THRB: variants seen among roughly 807,000 people sequenced by gnomAD.
The protein encoded by THRB is thyroid hormone receptor beta, also known as nuclear receptor subfamily 1 group A member 2.
In THRB, 12 loss-of-function variants were observed where a neutral mutation model predicts 47.8. That is an observed-to-expected ratio of 0.25 (90% confidence interval 0.16 to 0.41). The LOEUF (loss-of-function observed/expected upper bound fraction) is 0.41, where lower values mean the gene tolerates loss of function less well. Ranked by LOEUF, THRB falls within the 10% of genes least tolerant of loss-of-function variation. The probability of loss-of-function intolerance (pLI) is 1.00; values close to 1 mark genes in which losing one functional copy is unlikely to be tolerated. For synonymous variants in THRB, 218 were observed against 212.2 expected (o/e 1.03, Z -0.24); for missense variants, 348 against 589.2 (o/e 0.59, Z 4.24).
chr3:24,373,394 A>G (rs935096752), intron 1 of THRB, among the ~76,000 whole-genome samples: 1 of 152,100 alleles, frequency 6.6e-6, no homozygotes. Flanking sequence ...TTTCAGTACC[A>G]TGTAGATTTT....
chr3:24,482,481 C>G (rs1476123042), intron 1 of THRB, among the ~76,000 whole-genome samples: 1 of 149,982 alleles, frequency 6.7e-6, no homozygotes, highest in Non-Finnish European at 1.5e-5. Context: ...ACACCACTTC[C>G]TGATTCATTC....
At chr3:24,433,048 A>C (rs2070603046) in intron 1 of THRB, among the ~76,000 whole-genome samples, 1 of 152,076 alleles carries the variant, frequency 6.6e-6, no homozygotes, top group Admixed American at 6.6e-5. Context: ...TATTTCTACT[A>C]ACTCAGTTCC....
chr3:24,171,349 G>C (rs1325593283), intron 5 of THRB, among the ~76,000 whole-genome samples: 1 of 152,196 alleles, frequency 6.6e-6, no homozygotes, highest in Admixed American at 6.5e-5. Flanking sequence ...AGCAGGGCAA[G>C]CTCCTGGGAC....
In THRB at chr3:24,444,134, A is replaced by G. The variant is rs186777053; in HGVS notation, c.-261+50518T>C. ...AATAGCTGTTAAAATCAGAAACAAG[A>G]TAAGAGTAGAATGCCAGTGAGTATT... is the stretch of plus-strand genomic sequence containing the variant. On this transcript the variant is annotated intron_variant, in intron 1 of 10. Coordinates refer to ENST00000646209, the MANE Select transcript of THRB (RefSeq NM_001354712.2). Among the ~76,000 whole-genome samples the G allele has an allele frequency of 4.6e-4, 70 of 152,302 alleles. No homozygotes were observed. The East Asian group carries it at 0.01, about 22-fold the overall frequency.
At chr3:24,375,596 T>G (rs1486161955) in intron 1 of THRB, among the ~76,000 whole-genome samples, 1 of 150,074 alleles carries the variant, frequency 6.7e-6, no homozygotes, top group Middle Eastern at 3.2e-3. Flanking sequence ...AAAGAAAAAC[T>G]AACTCAAGGA....
At chr3:24,208,083 A>G (rs1559603275) in intron 4 of THRB, among the ~76,000 whole-genome samples, 1 of 152,142 alleles carries the variant, frequency 6.6e-6, no homozygotes, top group African/African-American at 2.4e-5. Flanking sequence ...TCATGAGTGA[A>G]CCTTAATTCA....
At chr3:24,140,303 AAACT>A (rs2035267452) in intron 8 of THRB, among the ~76,000 whole-genome samples, 1 of 152,246 alleles carries the variant, frequency 6.6e-6, no homozygotes, top group African/African-American at 2.4e-5. Context: ...GCTGTATAAC[AAACT>A]AACCCCAAAC....
chr3:24,159,453 T>C (rs917744154), intron 5 of THRB, among the ~76,000 whole-genome samples: 3 of 152,226 alleles, frequency 2.0e-5, no homozygotes, highest in South Asian at 2.1e-4. Context: ...CTATGACACA[T>C]ATGTATGTGT....
At chr3:24,309,574 T>C (rs1387498649) in intron 2 of THRB, among the ~76,000 whole-genome samples, 2 of 152,252 alleles carry the variant, frequency 1.3e-5, no homozygotes, top group Non-Finnish European at 2.9e-5. Context: ...TCAGTAAATA[T>C]CTTTTGAACA....
At chr3:24,432,857 T>C (rs2070584363) in intron 1 of THRB, among the ~76,000 whole-genome samples, 1 of 152,060 alleles carries the variant, frequency 6.6e-6, no homozygotes, top group Non-Finnish European at 1.5e-5. Context: ...GGTGGCCTAT[T>C]ACAGTCCAAC....
At chr3:24,395,650 AT>A (rs763668727) in intron 1 of THRB, among the ~76,000 whole-genome samples, 1 of 152,160 alleles carries the variant, frequency 6.6e-6, no homozygotes, top group South Asian at 2.1e-4. Flanking sequence ...TGGAACCCTT[AT>A]ATGCTGGTGA....
At chr3:24,155,615 T>C (rs1241066818) in intron 5 of THRB, among the ~76,000 whole-genome samples, 1 of 152,232 alleles carries the variant, frequency 6.6e-6, no homozygotes, top group Non-Finnish European at 1.5e-5. Context: ...AACTTAACCA[T>C]TTCTTGCTGT....
intron 2 of THRB, among the ~76,000 whole-genome samples, chr3:24,306,841 T>A (rs2057374211): frequency 6.6e-6 from 1 of 152,214 alleles, no homozygotes. Flanking sequence ...TGTAAACAGT[T>A]GTCTCTTTAC....
intron 4 of THRB, among the ~76,000 whole-genome samples, chr3:24,215,385 G>A (rs2046453445): frequency 6.6e-6 from 1 of 152,146 alleles, no homozygotes; most frequent in Non-Finnish European, 1.5e-5. Flanking sequence ...TGGAAAACTG[G>A]GGATTTGAAC....
At chr3:24,301,669 T>A (rs557291698) in intron 2 of THRB, among the ~76,000 whole-genome samples, 13 of 152,328 alleles carry the variant, frequency 8.5e-5, no homozygotes, top group African/African-American at 2.2e-4. Flanking sequence ...CTCTAAAATG[T>A]TTGTGGTAGG....
In THRB at chr3:24,121,400, C is replaced by G. The variant is rs1360563639; in HGVS notation, c.*1484G>C. On this transcript the variant is annotated 3_prime_UTR_variant, in exon 11 of 11. Transcript: ENST00000646209. ...ATATGGCTTATTTTCCCCAATATTT[C>G]CAGGATAAGGCAGTAAAAGGTAGGC... is the stretch of plus-strand genomic sequence containing the variant. 6.6e-6 allele frequency: 1 copy of G among 152,538 alleles called. No homozygotes were observed. Among genetic ancestry groups the G allele is most frequent in the Non-Finnish European group, 1.5e-5 (1 of 68,024 alleles). 9.4% of individuals were successfully genotyped at this position (152,538 alleles called of 1,614,324 possible). A position where few individuals can be genotyped will look rare whatever the true frequency, so the allele number is the denominator to read the frequency against.
intron 2 of THRB, among the ~76,000 whole-genome samples, chr3:24,303,776 C>T (rs2057129062): frequency 6.6e-6 from 1 of 152,172 alleles, no homozygotes; most frequent in African/African-American, 2.4e-5. Flanking sequence ...TTAAGTGAAA[C>T]AGAAGGATAC....
At chr3:24,441,640 C>T (rs944891844) in intron 1 of THRB, among the ~76,000 whole-genome samples, 2 of 151,954 alleles carry the variant, frequency 1.3e-5, no homozygotes, top group Non-Finnish European at 2.9e-5. Flanking sequence ...TCCATATATA[C>T]AGTTGATTCT....
intron 5 of THRB, among the ~76,000 whole-genome samples, chr3:24,152,969 AAAAAG>A (rs772812145): frequency 9.4e-4 from 64 of 67,780 alleles, no homozygotes; most frequent in East Asian, 2.9e-3. Flanking sequence ...CCAAAAAAAA[AAAAAG>A]AAAGAAAGAA....
Sources: gnomAD v4.1 joint callset for allele counts (sites outside exome capture counted in the v4.1 genomes callset) on GRCh38, gnomAD v4.1.1 for gene constraint, MANE v1.5 for transcripts, NCBI Gene and HGNC (gene_info 2026-07-23, HGNC 2026-07-21) for gene names.